INSL6: variants seen among roughly 807,000 people sequenced by gnomAD.
The protein encoded by INSL6 is insulin-like peptide INSL6.
Under a neutral mutation model 9.4 loss-of-function variants are expected in INSL6, and 16 were observed. The observed-to-expected ratio is 1.70, with a 90% confidence interval of 1.15 to 2.59. INSL6 has a LOEUF of 2.59. Ranked by LOEUF, INSL6 falls within the 30% of genes most tolerant of loss-of-function variation. The pLI is 0.00. For synonymous variants in INSL6, 154 were observed against 96.9 expected (o/e 1.59, Z -3.46); for missense variants, 391 against 257.3 (o/e 1.52, Z -3.56).
chr9:5,104,454 G>T, the INSL6 span, among the ~76,000 whole-genome samples: 1 of 152,160 alleles, frequency 6.6e-6, no homozygotes, highest in African/African-American at 2.4e-5. Flanking sequence ...GGACCAGATG[G>T]ACTCACAGCC....
intron 3 of INSL6, chr9:5,125,830 T>C (rs1823953461): frequency 7.0e-6 from 1 of 142,938 alleles, no homozygotes; most frequent in African/African-American, 2.7e-5. Context: ...TATTTGTAAT[T>C]TTTTTTCCCA....
chr9:5,133,777 A>G (rs1174675158), intron 2 of INSL6, among the ~76,000 whole-genome samples: 1 of 151,982 alleles, frequency 6.6e-6, no homozygotes, highest in African/African-American at 2.4e-5. Context: ...AAATGCCAGA[A>G]TGCCTCTTTT....
At chr9:5,184,755 A>G (rs552299912) in intron 1 of INSL6, among the ~76,000 whole-genome samples, 1 of 152,358 alleles carries the variant, frequency 6.6e-6, no homozygotes, top group African/African-American at 2.4e-5. Flanking sequence ...AGAACGGACC[A>G]GGCCTATCTC....
chr9:5,041,624 C>T, the INSL6 span: 1 of 499,542 alleles, frequency 2.0e-6, no homozygotes, highest in Non-Finnish European at 4.0e-6. Context: ...ACATGCGGCG[C>T]CTGGACTTTG....
At chr9:5,137,842 G>A (rs553855704) in intron 2 of INSL6, among the ~76,000 whole-genome samples, 1 of 152,144 alleles carries the variant, frequency 6.6e-6, no homozygotes, top group African/African-American at 2.4e-5. Flanking sequence ...CTACCCATCT[G>A]ACAAAGGGCT....
the INSL6 span, chr9:5,080,107 C>T: frequency 1.4e-6 from 1 of 738,762 alleles, no homozygotes; most frequent in South Asian, 2.3e-5. Flanking sequence ...ACATCCAACC[C>T]CTCCAAAATA....
the INSL6 span, among the ~76,000 whole-genome samples, chr9:5,117,058 C>T: frequency 6.6e-6 from 1 of 152,220 alleles, no homozygotes; most frequent in Non-Finnish European, 1.5e-5. Flanking sequence ...TGCCTTTCCA[C>T]TTTCATCCAT....
chr9:5,120,729 G>A (rs74932895), downstream of INSL6, among the ~76,000 whole-genome samples: 1,346 of 152,256 alleles, frequency 8.8e-3, 15 homozygotes, highest in African/African-American at 0.031. Context: ...CAATGGGTTA[G>A]GAGACTGATT....
the INSL6 span, among the ~76,000 whole-genome samples, chr9:5,049,685 G>A: frequency 6.6e-6 from 1 of 152,170 alleles, no homozygotes; most frequent in Non-Finnish European, 1.5e-5. Flanking sequence ...ATACAGTCAT[G>A]TGTCACTTAC....
At chr9:4,994,705 T>G in the INSL6 span, among the ~76,000 whole-genome samples, 1 of 152,176 alleles carries the variant, frequency 6.6e-6, no homozygotes, top group African/African-American at 2.4e-5. Flanking sequence ...AACAGGCAGC[T>G]GGCTAAATTT....
At chr9:5,073,930 G>A in the INSL6 span, 1 of 603,890 alleles carries the variant, frequency 1.7e-6, no homozygotes, top group African/African-American at 1.9e-5. Flanking sequence ...TGAAAACACT[G>A]TAGGACTATT....
the INSL6 span, chr9:5,090,389 T>C: frequency 8.0e-7 from 1 of 1,247,342 alleles, no homozygotes; most frequent in African/African-American, 1.5e-5. Flanking sequence ...AGTTTTCTAA[T>C]ATTTAATCAG....
At chr9:5,135,639 T>G (rs1398689351) in intron 2 of INSL6, among the ~76,000 whole-genome samples, 1 of 152,082 alleles carries the variant, frequency 6.6e-6, no homozygotes. Context: ...AGAGGGAAAT[T>G]TATAGCACTA....
chr9:5,069,952 C>T, the INSL6 span: 29 of 1,602,098 alleles, frequency 1.8e-5, no homozygotes, highest in Admixed American at 5.1e-5. Context: ...GTCTTCAGAA[C>T]GAATGGTGTT....
chr9:5,090,787 A>G, the INSL6 span: 1 of 1,613,330 alleles, frequency 6.2e-7, no homozygotes, highest in South Asian at 1.1e-5. Flanking sequence ...GGATCTGGCA[A>G]CGAGAAATAT....
chr9:5,112,504 G>T, the INSL6 span: 1 of 565,340 alleles, frequency 1.8e-6, no homozygotes, highest in Non-Finnish European at 3.2e-6. Context: ...GGAGGAAGAT[G>T]ACCTTTTCCC....
chr9:5,034,797 A>G, the INSL6 span, among the ~76,000 whole-genome samples: 12 of 152,322 alleles, frequency 7.9e-5, no homozygotes, highest in South Asian at 1.9e-3. Context: ...GAAAGATCCA[A>G]TTGACACCCT....
the INSL6 span, among the ~76,000 whole-genome samples, chr9:5,016,639 C>G: frequency 1.2e-4 from 19 of 152,112 alleles, no homozygotes; most frequent in East Asian, 3.5e-3. Flanking sequence ...ATAAAGTGAA[C>G]ACACCTTTGT....
At chr9:5,072,536 C>T in the INSL6 span, 546 of 1,605,092 alleles carry the variant, frequency 3.4e-4, 2 homozygotes, top group Non-Finnish European at 3.1e-4. Flanking sequence ...TTTTTAAAGG[C>T]GTACGAAGAG....
Sources: gnomAD v4.1 joint callset for allele counts (sites outside exome capture counted in the v4.1 genomes callset) on GRCh38, gnomAD v4.1.1 for gene constraint, MANE v1.5 for transcripts, NCBI Gene and HGNC (gene_info 2026-07-23, HGNC 2026-07-21) for gene names.